The following GALNT7 variants were observed in gnomAD, a reference collection of about 807,000 sequenced individuals.
The protein encoded by GALNT7 is N-acetylgalactosaminyltransferase 7.
A neutral mutation model predicts 82.1 loss-of-function variants in GALNT7; 60 were observed. The observed-to-expected ratio is 0.73, with a 90% CI of 0.59 to 0.91. The LOEUF is 0.91. Among genes scored for constraint, GALNT7 ranks in the 40% least tolerant of loss-of-function variants. The probability of loss-of-function intolerance (pLI) is 0.00; values close to 1 mark genes in which losing one functional copy is unlikely to be tolerated. For synonymous variants in GALNT7, 243 were observed against 275.1 expected, an observed-to-expected ratio of 0.88 and a Z score of 1.15; for missense variants, 660 against 804.2, an observed-to-expected ratio of 0.82 and a Z score of 2.17.
intron 1 of GALNT7, among the ~76,000 whole-genome samples, chr4:173,192,020 C>T (rs1732643451): frequency 6.6e-6 from 1 of 152,040 alleles, no homozygotes; most frequent in Non-Finnish European, 1.5e-5. Context: ...TGAATCATAC[C>T]TGGGAAGTGG....
intron 2 of GALNT7, among the ~76,000 whole-genome samples, chr4:173,251,707 T>C (rs1734852840): frequency 6.6e-6 from 1 of 152,212 alleles, no homozygotes; most frequent in Non-Finnish European, 1.5e-5. Context: ...TCCCGTGTTC[T>C]TTCCTCTGGC....
At chr4:173,258,523 T>TG (rs1376928700) in intron 2 of GALNT7, among the ~76,000 whole-genome samples, 5 of 152,038 alleles carry the variant, frequency 3.3e-5, no homozygotes, top group African/African-American at 7.3e-5. Flanking sequence ...CTGATGGAGA[T>TG]GGGGGGGCCT....
chr4:173,219,345 T>G (rs1733566714), intron 1 of GALNT7, among the ~76,000 whole-genome samples: 1 of 152,294 alleles, frequency 6.6e-6, no homozygotes, highest in South Asian at 2.1e-4. Context: ...TGTGTGTGTG[T>G]GTGTGTATAC....
chr4:173,197,517 T>C (rs1192404424), intron 1 of GALNT7, among the ~76,000 whole-genome samples: 2 of 152,254 alleles, frequency 1.3e-5, no homozygotes, highest in Non-Finnish European at 2.9e-5. Flanking sequence ...ATGGTTATAC[T>C]ATTGGTAATC....
intron 2 of GALNT7, among the ~76,000 whole-genome samples, chr4:173,259,800 G>T (rs1236359486): frequency 6.6e-6 from 1 of 152,076 alleles, no homozygotes; most frequent in Non-Finnish European, 1.5e-5. Flanking sequence ...ACCACGCCCA[G>T]CTAGTTTTTG....
At chr4:173,244,018 A>C (rs762429366) in intron 1 of GALNT7, among the ~76,000 whole-genome samples, 7 of 152,222 alleles carry the variant, frequency 4.6e-5, no homozygotes, top group Non-Finnish European at 8.8e-5. Context: ...CGATGGACAT[A>C]GCCTCTGCAC....
intron 1 of GALNT7, among the ~76,000 whole-genome samples, chr4:173,206,208 A>G (rs1299402304): frequency 6.6e-6 from 1 of 152,138 alleles, no homozygotes; most frequent in African/African-American, 2.4e-5. Context: ...TCTAGTGCTT[A>G]TTTCTCTCTC....
intron 2 of GALNT7, among the ~76,000 whole-genome samples, chr4:173,282,811 G>A (rs1736161424): frequency 6.6e-6 from 1 of 152,224 alleles, no homozygotes; most frequent in South Asian, 2.1e-4. Flanking sequence ...CTGCTGACAT[G>A]CCCTGATAAC....
chr4:173,204,353 G>A (rs561112698), intron 1 of GALNT7, among the ~76,000 whole-genome samples: 1 of 152,168 alleles, frequency 6.6e-6, no homozygotes, highest in African/African-American at 2.4e-5. Context: ...TGGCCTTCCT[G>A]TACCTGGATA....
At chr4:173,305,569 G>A (rs1447145321) in intron 8 of GALNT7, among the ~76,000 whole-genome samples, 1 of 152,070 alleles carries the variant, frequency 6.6e-6, no homozygotes, top group East Asian at 1.9e-4. Flanking sequence ...TCCATTTTGA[G>A]TTGATTTTTA....
At chr4:173,311,227 T>G (rs982366079) in intron 8 of GALNT7, among the ~76,000 whole-genome samples, 1 of 152,196 alleles carries the variant, frequency 6.6e-6, no homozygotes, top group South Asian at 2.1e-4. Flanking sequence ...CTGAGAAAAC[T>G]AATTGCTCCT....
chr4:173,170,425 C>A (rs543710509), intron 1 of GALNT7, among the ~76,000 whole-genome samples: 1 of 152,302 alleles, frequency 6.6e-6, no homozygotes, highest in African/African-American at 2.4e-5. Context: ...GAGGAGATCC[C>A]ATTATCAGCT....
chr4:173,287,436 G>A (rs1736364636), intron 2 of GALNT7, among the ~76,000 whole-genome samples: 1 of 152,262 alleles, frequency 6.6e-6, no homozygotes, highest in African/African-American at 2.4e-5. Context: ...AGGGTCTGAG[G>A]ACTAAAGGAG....
At chr4:173,280,598 A>G (rs1429594655) in intron 2 of GALNT7, among the ~76,000 whole-genome samples, 2 of 152,224 alleles carry the variant, frequency 1.3e-5, no homozygotes, top group Non-Finnish European at 2.9e-5. Flanking sequence ...GAGCAGTTCT[A>G]CAATGTAGCT....
At chr4:173,210,078 G>GA (rs1221043414) in intron 1 of GALNT7, among the ~76,000 whole-genome samples, 1 of 151,940 alleles carries the variant, frequency 6.6e-6, no homozygotes, top group Non-Finnish European at 1.5e-5. Context: ...AGGTTGCAGT[G>GA]ACCTGAGATC....
chr4:173,305,040 A>C (rs1395075722), intron 8 of GALNT7, among the ~76,000 whole-genome samples: 1 of 152,142 alleles, frequency 6.6e-6, no homozygotes, highest in Non-Finnish European at 1.5e-5. Context: ...TATACCTAGT[A>C]ATGAGATTGC....
At chr4:173,202,332 C>T (rs1262343395) in intron 1 of GALNT7, among the ~76,000 whole-genome samples, 2 of 152,122 alleles carry the variant, frequency 1.3e-5, no homozygotes, top group Non-Finnish European at 2.9e-5. Flanking sequence ...CTTTACCATA[C>T]ATTATAGAAG....
At chr4:173,245,914 T>G (rs934895402) in intron 1 of GALNT7, among the ~76,000 whole-genome samples, 1 of 152,196 alleles carries the variant, frequency 6.6e-6, no homozygotes, top group African/African-American at 2.4e-5. Flanking sequence ...CAGGTTAGGC[T>G]CAAGCTAAGT....
chr4:173,274,414 A>C (rs1306833041), intron 2 of GALNT7, among the ~76,000 whole-genome samples: 1 of 152,002 alleles, frequency 6.6e-6, no homozygotes, highest in East Asian at 1.9e-4. Flanking sequence ...TAAGGAATTT[A>C]TTTTCCTGTA....
Sources: gnomAD v4.1 joint callset for allele counts (sites outside exome capture counted in the v4.1 genomes callset) on GRCh38, gnomAD v4.1.1 for gene constraint, MANE v1.5 for transcripts, NCBI Gene and HGNC (gene_info 2026-07-23, HGNC 2026-07-21) for gene names.